Variants in ALDH1A3 observed in about 807,000 individuals in gnomAD.
ALDH1A3 encodes aldehyde dehydrogenase 1 family member A3, also known as retinaldehyde dehydrogenase 3.
A neutral mutation model predicts 57.5 loss-of-function variants in ALDH1A3; 28 were observed. That is an observed-to-expected ratio of 0.49 (90% CI 0.36 to 0.67). The LOEUF (loss-of-function observed/expected upper bound fraction) is 0.67. Among genes scored for constraint, ALDH1A3 ranks in the 30% least tolerant of loss-of-function variants. ALDH1A3 has a pLI of 0.00. For missense variants in ALDH1A3, 507 were observed against 669.4 expected (o/e 0.76, Z 2.68); for synonymous variants, 281 against 264.8 (o/e 1.06, Z -0.59).
intron 1 of ALDH1A3, among the ~76,000 whole-genome samples, chr15:100,884,738 C>T (rs2041578572): frequency 6.6e-6 from 1 of 152,090 alleles, no homozygotes; most frequent in Non-Finnish European, 1.5e-5. Context: ...TTGGTGAAAA[C>T]TGAAGGGCGA....
At chr15:100,903,651 T>G (rs939235475) in intron 9 of ALDH1A3, among the ~76,000 whole-genome samples, 1 of 152,232 alleles carries the variant, frequency 6.6e-6, no homozygotes, top group Non-Finnish European at 1.5e-5. Flanking sequence ...ATTCTAGAAG[T>G]TTGTCTGTTT....
chr15:100,899,382 A>G (rs2041743699), intron 8 of ALDH1A3, among the ~76,000 whole-genome samples: 2 of 152,186 alleles, frequency 1.3e-5, no homozygotes. Context: ...ACTGAAGTTC[A>G]TCTTCCTCCT....
intron 4 of ALDH1A3, 83 bp downstream of exon 4, chr15:100,892,722 T>C: frequency 6.6e-7 from 1 of 1,520,846 alleles, no homozygotes. Flanking sequence ...CCTGACTGTT[T>C]CCCTAAGGCA....
intron 12 of ALDH1A3, among the ~76,000 whole-genome samples, chr15:100,912,848 C>T (rs970827383): frequency 2.0e-5 from 3 of 152,160 alleles, no homozygotes; most frequent in Non-Finnish European, 4.4e-5. Context: ...ATCAGAATCA[C>T]TTGGAGGACT....
intron 2 of ALDH1A3, among the ~76,000 whole-genome samples, 178 bp downstream of exon 2, chr15:100,885,549 G>A (rs901559127): frequency 9.2e-5 from 14 of 152,212 alleles, no homozygotes; most frequent in Admixed American, 7.9e-4. Flanking sequence ...ATCAATTACC[G>A]ATGATCCTCT....
chr15:100,900,380 G>C (rs1325982401), intron 8 of ALDH1A3, among the ~76,000 whole-genome samples, 195 bp from the exon 9 acceptor site: 1 of 152,154 alleles, frequency 6.6e-6, no homozygotes, highest in African/African-American at 2.4e-5. Flanking sequence ...CCCCAAACTT[G>C]GTGGACCCCA....
Position 100,906,478 on chromosome 15 carries a change from T to A in ALDH1A3, c.1234-643T>A, listed in dbSNP as rs1182708066. Among the ~76,000 whole-genome samples the A allele has an allele frequency of 1.3e-5, 2 of 152,162 alleles. No homozygotes were observed. Among genetic ancestry groups the A allele is most frequent in the African/African-American group, 4.8e-5 (2 of 41,424 alleles). On this transcript the variant is annotated intron_variant, in intron 10 of 12. Transcript: ENST00000329841. This position sits in a 1 kb window ranked among gnomAD's most constrained non-coding sequence, Gnocchi z 4.8. Reference sequence around the variant, plus strand: ...CCTTAAACATCCCTGTGACGAGAGGTCCTGGGGAACCCGGAAGGTATTTTG... The same window carrying A: ...CCTTAAACATCCCTGTGACGAGAGGACCTGGGGAACCCGGAAGGTATTTTG...
In ALDH1A3 at chr15:100,892,712, C is replaced by G. The variant is rs558292260; in HGVS notation, c.475+73C>G. On this transcript the variant is annotated intron_variant, in intron 4 of 12. Coordinates refer to ENST00000329841, the MANE Select transcript of ALDH1A3 (RefSeq NM_000693.4). Reference sequence around the variant, plus strand: ...ATCTTTTCATTAATCCAGAGCCCCCCCTGACTGTTTCCCTAAGGCACCATT... The same window carrying G: ...ATCTTTTCATTAATCCAGAGCCCCCGCTGACTGTTTCCCTAAGGCACCATT... The G allele has an allele frequency of 3.3e-6, 5 of 1,532,958 alleles. No individual in the cohort carries two copies. In the East Asian group the frequency reaches 9.1e-5, roughly 28 times the overall value. 95.0% of individuals were successfully genotyped at this position (1,532,958 alleles called of 1,614,324 possible). A position where few individuals can be genotyped will look rare whatever the true frequency, so the allele number is the denominator to read the frequency against.
chr15:100,883,999 A>C (rs1199754292), intron 1 of ALDH1A3, among the ~76,000 whole-genome samples: 1 of 152,240 alleles, frequency 6.6e-6, no homozygotes, highest in Non-Finnish European at 1.5e-5. Flanking sequence ...CCACATGCAG[A>C]TAGATGTAAA....
intron 2 of ALDH1A3, 44 bp downstream of exon 2, chr15:100,885,415 A>G: frequency 7.1e-7 from 1 of 1,407,034 alleles, no homozygotes; most frequent in Non-Finnish European, 1.0e-6. Flanking sequence ...TCAATTATGG[A>G]TGACCAAAGG....
rs1434995136 is a variant in ALDH1A3 at position 100,907,196 on chromosome 15, T to C, written c.1309T>C (p.Tyr437His). Reference protein sequence around the residue: ...EVIKRANSTDYGLTAAVFTKN... With the variant: ...EVIKRANSTDHGLTAAVFTKN... ...GATAAAAAGAGCGAATAGCACCGAC[T>C]ATGGACTCACAGCAGCCGTGTTCAC... The change falls in exon 11 of 13, where the codon TAT (tyrosine) becomes CAT (histidine). Residue 437 changes from tyrosine (Y) to histidine (H), a missense_variant. Physicochemically the swap from Tyr to His is moderately conservative, Grantham distance 83. Around this residue, in one of 2 missense-constraint regions of ALDH1A3, gnomAD observed 432 missense variants for 608.4 expected, o/e 0.71. Coordinates refer to ENST00000329841, the MANE Select transcript of ALDH1A3 (RefSeq NM_000693.4). 1.9e-6 allele frequency: 3 copies of C among 1,614,054 alleles called. No individual in the cohort carries two copies. In the African/African-American group the frequency reaches 4.0e-5, roughly 22 times the overall value.
rs1364855587 is a variant in ALDH1A3 at position 100,906,531 on chromosome 15, A to C, written c.1234-590A>C. Among the ~76,000 whole-genome samples the C allele has an allele frequency of 2.0e-5, 3 of 152,260 alleles. No individual in the cohort carries two copies. The highest frequency in any genetic ancestry group is 4.4e-5 in the Non-Finnish European group (3 of 68,042). On this transcript the variant is annotated intron_variant, in intron 10 of 12. Coordinates refer to ENST00000329841, the MANE Select transcript of ALDH1A3 (RefSeq NM_000693.4). This position sits in a 1 kb window ranked among gnomAD's most constrained non-coding sequence, Gnocchi z 4.8. Reference sequence around the variant, plus strand: ...AGGCCAGGCACCATCCTGCCGGCTTATAATTATGTCTAATATTGAATCAAT... The same window carrying C: ...AGGCCAGGCACCATCCTGCCGGCTTCTAATTATGTCTAATATTGAATCAAT...
rs192469181 is a variant in ALDH1A3 at position 100,898,636 on chromosome 15, G to A, written c.883+451G>A. On this transcript the variant is annotated intron_variant, in intron 8 of 12. Transcript: ENST00000329841. Reference sequence around the variant, plus strand: ...TGTTTTAAGATCCCTGAAGAGTGGAGGTGCTCTTTCCTTGTGTCTCAGACC... The same window carrying A: ...TGTTTTAAGATCCCTGAAGAGTGGAAGTGCTCTTTCCTTGTGTCTCAGACC... 2.1e-4 allele frequency among the ~76,000 whole-genome samples: 32 copies of A among 152,298 alleles called. 1 individual carries two copies. The highest frequency in any genetic ancestry group is 7.7e-4 in the African/African-American group (32 of 41,578).
intron 11 of ALDH1A3, 141 bp downstream of exon 11, chr15:100,907,419 A>G (rs1448026924): frequency 7.2e-6 from 7 of 975,844 alleles, no homozygotes; most frequent in Non-Finnish European, 8.8e-6. Context: ...TTCCATCCTC[A>G]TGACCATCTT....
intron 6 of ALDH1A3, chr15:100,895,159 G>A (rs1456882353): frequency 6.6e-6 from 1 of 152,040 alleles, no homozygotes; most frequent in Non-Finnish European, 1.5e-5. Flanking sequence ...ATAATAACGG[G>A]TCTGATTAAA....
rs965167245 is a variant in ALDH1A3 at position 100,883,457 on chromosome 15, C to T, written c.100-1810C>T. On this transcript the variant is annotated intron_variant, in intron 1 of 12. Transcript: ENST00000329841. ...GCGCTTCCCTGGGGGCCTGGCCTCA[C>T]ATTGGAGACGCTAAGCTTCCAGAAG... is the stretch of plus-strand genomic sequence containing the variant. Among the ~76,000 whole-genome samples the T allele has an allele frequency of 2.6e-5, 4 of 152,314 alleles. No homozygotes were observed. The East Asian group carries it at 7.7e-4, about 29-fold the overall frequency.
chr15:100,903,193 C>T (rs1210046157), intron 9 of ALDH1A3, among the ~76,000 whole-genome samples: 4 of 151,370 alleles, frequency 2.6e-5, no homozygotes, highest in Non-Finnish European at 5.9e-5. Flanking sequence ...CTTCTCCCCA[C>T]GGTATCCCCA....
intron 1 of ALDH1A3, chr15:100,880,433 G>T: frequency 2.8e-6 from 1 of 363,232 alleles, no homozygotes; most frequent in Non-Finnish European, 4.9e-6. Flanking sequence ...GAGAGGGTCG[G>T]AGGGTCCGAG....
chr15:100,907,995 C>T (rs1301413189), intron 11 of ALDH1A3, among the ~76,000 whole-genome samples: 2 of 151,944 alleles, frequency 1.3e-5, no homozygotes, highest in Admixed American at 6.5e-5. Context: ...ACTACAGGTG[C>T]ACGCCACCAC....
Sources: gnomAD v4.1 joint callset for allele counts (sites outside exome capture counted in the v4.1 genomes callset) on GRCh38, gnomAD v4.1.1 for gene constraint, gnomAD v4.1.1 regional missense constraint, Gnocchi (gnomAD v3.1) non-coding constraint, MANE v1.5 for transcripts, NCBI Gene and HGNC (gene_info 2026-07-23, HGNC 2026-07-21) for gene names.